The following LRIG3 variants were observed in gnomAD, a reference collection of about 807,000 sequenced individuals.
LRIG3 encodes the protein leucine-rich repeats and immunoglobulin-like domains protein 3.
Under a neutral mutation model 114.5 loss-of-function variants are expected in LRIG3, and 76 were observed. The ratio of observed to expected loss-of-function variants is 0.66; its 90% confidence interval spans 0.55 to 0.80. The LOEUF (loss-of-function observed/expected upper bound fraction) is 0.80, where lower values mean the gene tolerates loss of function less well. LRIG3 is among the 30% of genes least tolerant of loss of function. The probability of loss-of-function intolerance (pLI) is 0.00; values close to 1 mark genes in which losing one functional copy is unlikely to be tolerated. For missense variants in LRIG3, 1,239 were observed against 1,382.8 expected (o/e 0.90, Z 1.65); for synonymous variants, 512 against 519.8 (o/e 0.98, Z 0.20).
chr12:58,885,503 T>C (rs1348370886), intron 10 of LRIG3, among the ~76,000 whole-genome samples: 1 of 152,098 alleles, frequency 6.6e-6, no homozygotes, highest in Admixed American at 6.5e-5. Context: ...ATGCCTGATA[T>C]ATAGTGGATG....
At chr12:58,903,188 CA>C (rs1871931140) in intron 3 of LRIG3, among the ~76,000 whole-genome samples, 1 of 152,214 alleles carries the variant, frequency 6.6e-6, no homozygotes, top group African/African-American at 2.4e-5. Flanking sequence ...GTCCCACCAA[CA>C]GTGTAAAAGT....
In LRIG3 at chr12:58,880,654, C is replaced by T. The variant is rs1414468713; in HGVS notation, c.1728G>A (p.Glu576=). 6.2e-7 allele frequency: 1 copy of T among 1,614,100 alleles called. No homozygotes were observed. The highest frequency in any genetic ancestry group is 1.7e-5 in the Admixed American group (1 of 60,002). Residue 576 remains glutamate, a synonymous_variant, in exon 13 of 19, where the codon GAG becomes GAA. Transcript: ENST00000320743. ...LRLREVEFAS[E]GKYQCVISNH... ...TGGAGATGACACACTGATATTTCCCCTCACTGGCAAATTCCACCTCGCGCA... is the reference window on the plus strand; with the variant it reads ...TGGAGATGACACACTGATATTTCCCTTCACTGGCAAATTCCACCTCGCGCA...
chr12:58,910,283 T>C (rs975508257), intron 3 of LRIG3, among the ~76,000 whole-genome samples: 12 of 152,190 alleles, frequency 7.9e-5, no homozygotes, highest in African/African-American at 2.9e-4. Flanking sequence ...AATCTACTAA[T>C]TTAGAATCTC....
intron 3 of LRIG3, among the ~76,000 whole-genome samples, chr12:58,907,507 T>C (rs1400584135): frequency 6.6e-6 from 1 of 152,202 alleles, no homozygotes; most frequent in Non-Finnish European, 1.5e-5. Context: ...GAATCCACTT[T>C]GGCCCACTGC....
At chr12:58,880,294 C>G in intron 13 of LRIG3, 1 of 458,406 alleles carries the variant, frequency 2.2e-6, no homozygotes, top group African/African-American at 2.3e-5. Context: ...TGCAAGATTC[C>G]GTCTCAAAAA....
intron 3 of LRIG3, among the ~76,000 whole-genome samples, chr12:58,894,124 A>G (rs1871551535): frequency 1.3e-5 from 2 of 152,328 alleles, no homozygotes; most frequent in South Asian, 2.1e-4. Context: ...TTGAGTGACG[A>G]ATAAAATTTT....
chr12:58,901,863 C>T (rs1871860930), intron 3 of LRIG3, among the ~76,000 whole-genome samples: 1 of 152,184 alleles, frequency 6.6e-6, no homozygotes, highest in Non-Finnish European at 1.5e-5. Context: ...AATGAGCTTT[C>T]GTTCTTAGAA....
chr12:58,919,847 T>A (rs1293000455), intron 1 of LRIG3, among the ~76,000 whole-genome samples, 153 bp downstream of exon 1: 1 of 152,168 alleles, frequency 6.6e-6, no homozygotes, highest in Non-Finnish European at 1.5e-5. Flanking sequence ...GACAGTTCTT[T>A]TTCCACGCCC....
intron 1 of LRIG3, among the ~76,000 whole-genome samples, chr12:58,916,073 T>A (rs1872472658): frequency 6.6e-6 from 1 of 152,080 alleles, no homozygotes; most frequent in Non-Finnish European, 1.5e-5. Flanking sequence ...TAATTAAAAA[T>A]AAAAAAACAC....
chr12:58,886,015 T>A, intron 9 of LRIG3, 113 bp from the exon 10 acceptor site: 1 of 481,754 alleles, frequency 2.1e-6, no homozygotes, highest in South Asian at 2.5e-5. Flanking sequence ...TTTTCTTCAA[T>A]TAAACAATAT....
rs1454222668 is a variant in LRIG3 at position 58,888,550 on chromosome 12, C to T, written c.804-78G>A. 5 of 1,537,218 alleles carry T rather than the reference C, an allele frequency of 3.3e-6. No individual in the cohort carries two copies. The African/African-American group carries it at 5.5e-5, about 17-fold the overall frequency. ...CTTCAAAGGGGACATATGATTACAA[C>T]CTATTACAGATTCCTATTGTTATTA... On this transcript the variant is annotated intron_variant, in intron 6 of 18. Transcript: ENST00000320743.
At chr12:58,877,053 C>T (rs1170441046) in intron 15 of LRIG3, among the ~76,000 whole-genome samples, 4 of 152,190 alleles carry the variant, frequency 2.6e-5, no homozygotes, top group Admixed American at 6.5e-5. Flanking sequence ...TACGCACAGA[C>T]AACAAGACAT....
At position 58,874,486 on chromosome 12, in the gene LRIG3, G is replaced by A. The variant is rs139089273; in HGVS notation, c.2783C>T (p.Pro928Leu). The change falls in exon 17 of 19, where the codon CCT becomes CTT. Residue 928 changes from proline to leucine, a missense_variant. Physicochemically the swap from Pro to Leu is moderately conservative, Grantham distance 98. Transcript: ENST00000320743. ...ATACACATTTCCCTTCAAATACATAGGGCCTGTGGATCCCAAAAACGGACA... is the reference window on the plus strand; with the variant it reads ...ATACACATTTCCCTTCAAATACATAAGGCCTGTGGATCCCAAAAACGGACA... The part of the protein sequence containing the change: ...FLCPFLGSTG[P>L]MYLKGNVYGS... 1 of 1,614,156 alleles carries A rather than the reference G, an allele frequency of 6.2e-7. No homozygotes were observed. Among genetic ancestry groups the A allele is most frequent in the Non-Finnish European group, 8.5e-7 (1 of 1,180,032 alleles).
intron 12 of LRIG3, among the ~76,000 whole-genome samples, chr12:58,882,398 A>G (rs187380938): frequency 3.3e-5 from 5 of 152,328 alleles, no homozygotes; most frequent in African/African-American, 1.2e-4. Context: ...ATTATTTATA[A>G]TAAATTCACA....
intron 3 of LRIG3, among the ~76,000 whole-genome samples, chr12:58,897,191 A>G (rs1159211470): frequency 6.6e-6 from 1 of 152,228 alleles, no homozygotes; most frequent in African/African-American, 2.4e-5. Context: ...TGCAGCATCA[A>G]AGAATAAAGC....
chr12:58,918,679 CAA>C (rs1872563326), intron 1 of LRIG3, among the ~76,000 whole-genome samples: 1 of 152,188 alleles, frequency 6.6e-6, no homozygotes, highest in Admixed American at 6.5e-5. Flanking sequence ...ATGACCTCCA[CAA>C]GAGGCAATTT....
rs775171129 is a variant in LRIG3, at chr12:58,883,043, T to C, written c.1317-11A>G. On this transcript the variant is annotated splice_polypyrimidine_tract_variant and intron_variant, in intron 11 of 18. Transcript: ENST00000320743. ...GATGTATTTAAATGCCTGAGGAGAG[T>C]AATTACATTCAATTTGTTCTGTATG... The C allele has an allele frequency of 1.8e-5, 29 of 1,597,304 alleles. No homozygotes were observed. The highest frequency in any genetic ancestry group is 3.3e-4 in the Middle Eastern group (2 of 5,984).
intron 3 of LRIG3, among the ~76,000 whole-genome samples, chr12:58,905,784 G>T (rs1337647488): frequency 6.6e-6 from 1 of 152,134 alleles, no homozygotes; most frequent in Non-Finnish European, 1.5e-5. Context: ...GCCCTACACC[G>T]GCTTAGGGAT....
intron 17 of LRIG3, 45 bp from the exon 18 acceptor site, chr12:58,874,375 C>A (rs777985306): frequency 6.2e-7 from 1 of 1,610,016 alleles, no homozygotes; most frequent in Admixed American, 1.7e-5. Context: ...ACAGTTAGCA[C>A]ATCTAGAAGT....
Sources: gnomAD v4.1 joint callset for allele counts (sites outside exome capture counted in the v4.1 genomes callset) on GRCh38, gnomAD v4.1.1 for gene constraint, MANE v1.5 for transcripts, NCBI Gene and HGNC (gene_info 2026-07-23, HGNC 2026-07-21) for gene names.